Variants in N4BP2 observed in about 807,000 individuals in gnomAD.
The protein encoded by N4BP2 is NEDD4-binding protein 2.
Under a neutral mutation model 152.8 loss-of-function variants are expected in N4BP2, and 91 were observed. The observed-to-expected ratio is 0.60, with a 90% confidence interval of 0.50 to 0.71. N4BP2 has a LOEUF of 0.71. N4BP2 is among the 30% of genes least tolerant of loss of function. N4BP2 has a pLI of 0.00. For synonymous variants in N4BP2, 646 were observed against 705.3 expected (o/e 0.92, Z 1.33); for missense variants, 1,923 against 2,059.1 (o/e 0.93, Z 1.28).
chr4:40,124,938 T>A (rs1264115105), intron 11 of N4BP2, among the ~76,000 whole-genome samples: 1 of 152,242 alleles, frequency 6.6e-6, no homozygotes, highest in Non-Finnish European at 1.5e-5. Context: ...TGCTTTTTGG[T>A]ACATCCTGCC....
chr4:40,097,301 TAACTA>T lies in N4BP2; in HGVS notation c.-38_-34del, dbSNP rs1466591668. On this transcript the variant is annotated 5_prime_UTR_variant, in exon 3 of 18. The change abolishes the stop of an existing upstream ORF in the 5' untranslated region. Transcript: ENST00000261435. ...ATTATGACTTAAATGTCAAACATCTTAACTAAGAAAAGGGAAACATTTTAGTTTTG... is the reference window on the plus strand; with the variant it reads ...ATTATGACTTAAATGTCAAACATCTTAGAAAAGGGAAACATTTTAGTTTTG... 1 of 1,552,620 alleles carries T rather than the reference TAACTA, an allele frequency of 6.4e-7. No individual in the cohort carries two copies. The highest frequency in any genetic ancestry group is 8.9e-7 in the Non-Finnish European group (1 of 1,125,724).
Position 40,102,514 on chromosome 4 carries a change from G to A in N4BP2, c.669G>A (p.Glu223=). ...TACCTTCACATTCAGTTTTGAACGA[G>A]TCCAAGTGTTTTATAAAGGATAACA... The part of the protein sequence containing the change: ...NPLPSHSVLN[E]SKCFIKDNTL... Residue 223 remains glutamate, a synonymous_variant, in exon 4 of 18, where the codon GAG becomes GAA. Coordinates refer to ENST00000261435, the MANE Select transcript of N4BP2 (RefSeq NM_018177.6). 6.2e-7 allele frequency: 1 copy of A among 1,614,114 alleles called. No homozygotes were observed. The highest frequency in any genetic ancestry group is 1.6e-4 in the Middle Eastern group (1 of 6,062).
At chr4:40,095,785 T>TA (rs1715054959) in intron 2 of N4BP2, among the ~76,000 whole-genome samples, 1 of 152,212 alleles carries the variant, frequency 6.6e-6, no homozygotes, top group Non-Finnish European at 1.5e-5. Context: ...GCCGTGCAGA[T>TA]ATCTTGAGGA....
In N4BP2 at chr4:40,107,021, C is replaced by A; in HGVS notation, c.1495C>A (p.Arg499Ser). 1.2e-6 allele frequency: 2 copies of A among 1,612,780 alleles called. No homozygotes were observed. Among genetic ancestry groups the A allele is most frequent in the Non-Finnish European group, 1.7e-6 (2 of 1,179,456 alleles). ...AGAAGCACATGAATGGAACCAGAAT[C>A]GTGGTAAGAACAGATAATCAGATTC... is the stretch of plus-strand genomic sequence containing the variant. Reference protein sequence around the residue: ...LGEAHEWNQNRAKEAFEKKIS... With the variant: ...LGEAHEWNQNSAKEAFEKKIS... The change falls in exon 5 of 18, where the codon CGT becomes AGT. Residue 499 changes from arginine (R) to serine (S), a missense_variant. Coordinates refer to ENST00000261435, the MANE Select transcript of N4BP2 (RefSeq NM_018177.6).
In N4BP2 at chr4:40,121,039, TC is replaced by T; in HGVS notation, c.2929del (p.Thr978LeufsTer12). On this transcript the variant is annotated frameshift_variant, in exon 9 of 18. Transcript: ENST00000261435. LOFTEE classifies it high-confidence loss of function. ...GTCATGGGCAACACACATCGTTGCCTCTTACTTTTACCAATAGTGCACCAAC... is the reference window on the plus strand; with the variant it reads ...GTCATGGGCAACACACATCGTTGCCTTTACTTTTACCAATAGTGCACCAAC... The part of the protein sequence containing the change: ...KSHGQHTSLP[L>X]TFTNSAPTVS... 1 of 1,614,092 alleles carries T rather than the reference TC, an allele frequency of 6.2e-7. No homozygotes were observed. The highest frequency in any genetic ancestry group is 8.5e-7 in the Non-Finnish European group (1 of 1,180,004).
At chr4:40,083,555 C>G (rs898101924) in intron 2 of N4BP2, among the ~76,000 whole-genome samples, 8 of 152,042 alleles carry the variant, frequency 5.3e-5, no homozygotes, top group African/African-American at 1.9e-4. Flanking sequence ...GAAAACATGC[C>G]AAGCGAAAGG....
chr4:40,152,977 G>T (rs1197708831), intron 17 of N4BP2, 74 bp downstream of exon 17: 1 of 1,487,680 alleles, frequency 6.7e-7, no homozygotes. Flanking sequence ...TGTGAGTATA[G>T]ATTTCTGTTA....
At chr4:40,063,983 G>A (rs1031977138) in intron 1 of N4BP2, among the ~76,000 whole-genome samples, 1 of 150,092 alleles carries the variant, frequency 6.7e-6, no homozygotes, top group African/African-American at 2.5e-5. Flanking sequence ...TGGGGCGGCA[G>A]GGGGGGGTCT....
In N4BP2 at chr4:40,065,303, T is replaced by C. The variant is rs545962097; in HGVS notation, c.-211-8152T>C. Among the ~76,000 whole-genome samples the C allele has an allele frequency of 3.3e-5, 5 of 152,254 alleles. No homozygotes were observed. In the South Asian group the frequency reaches 1.0e-3, roughly 32 times the overall value. ...GAAATTTAAGCTGGACCTCTCAGGT[T>C]TGAAGTGCCCATGGAATATTCAAGT... On this transcript the variant is annotated intron_variant, in intron 1 of 17. Coordinates refer to ENST00000261435, the MANE Select transcript of N4BP2 (RefSeq NM_018177.6).
chr4:40,121,152 GCACC>G lies in N4BP2; in HGVS notation c.3044_3047del (p.Thr1015ArgfsTer13). On this transcript the variant is annotated frameshift_variant, in exon 9 of 18. Transcript: ENST00000261435. LOFTEE classifies it high-confidence loss of function. ...GACCCTGGAAAAGAAGTAGGCATGTGCACCCAGACTGAACCACAGGATTTTGCTC... is the reference window on the plus strand; with the variant it reads ...GACCCTGGAAAAGAAGTAGGCATGTGCAGACTGAACCACAGGATTTTGCTC... 1 of 1,614,124 alleles carries G rather than the reference GCACC, an allele frequency of 6.2e-7. No individual in the cohort carries two copies. Among genetic ancestry groups the G allele is most frequent in the Non-Finnish European group, 8.5e-7 (1 of 1,180,046 alleles).
chr4:40,180,241 GA>G, the N4BP2 span, among the ~76,000 whole-genome samples: 5 of 151,908 alleles, frequency 3.3e-5, no homozygotes, highest in African/African-American at 7.3e-5. Context: ...ATATTCAATA[GA>G]AAAAAATGGG....
the N4BP2 span, among the ~76,000 whole-genome samples, chr4:40,169,904 C>G: frequency 2.8e-5 from 4 of 145,402 alleles, no homozygotes; most frequent in East Asian, 6.1e-4. Context: ...GCAGAGGTTT[C>G]AGTGAACTGA....
intron 1 of N4BP2, among the ~76,000 whole-genome samples, chr4:40,058,770 T>G (rs531179386): frequency 3.5e-4 from 52 of 148,738 alleles, no homozygotes; most frequent in Middle Eastern, 3.5e-3. Context: ...TAGTTGCATG[T>G]TTTTTTTTTA....
the N4BP2 span, among the ~76,000 whole-genome samples, chr4:40,173,960 CTAATTA>C: frequency 6.6e-6 from 1 of 151,976 alleles, no homozygotes; most frequent in Non-Finnish European, 1.5e-5. Flanking sequence ...GGGCTTATTT[CTAATTA>C]TAAAAGTAAT....
chr4:40,125,420 T>C (rs974021625), intron 11 of N4BP2, among the ~76,000 whole-genome samples: 1 of 152,212 alleles, frequency 6.6e-6, no homozygotes, highest in Non-Finnish European at 1.5e-5. Context: ...GCCAAAGTAA[T>C]CGATCTTCTT....
At chr4:40,148,094 G>A (rs1466505043) in intron 16 of N4BP2, among the ~76,000 whole-genome samples, 1 of 152,252 alleles carries the variant, frequency 6.6e-6, no homozygotes. Context: ...GGAGGCCAGG[G>A]CAGGCGGCTG....
the N4BP2 span, among the ~76,000 whole-genome samples, chr4:40,171,806 G>A: frequency 6.6e-6 from 1 of 152,200 alleles, no homozygotes; most frequent in African/African-American, 2.4e-5. Context: ...TCTGTCTGTA[G>A]TCAAAGTTCC....
chr4:40,144,301 C>A (rs1045006606), intron 15 of N4BP2, among the ~76,000 whole-genome samples: 24 of 152,190 alleles, frequency 1.6e-4, no homozygotes, highest in Non-Finnish European at 2.1e-4. Flanking sequence ...CTTCACCAGC[C>A]ATCTAGGTAT....
At chr4:40,190,429 G>A in the N4BP2 span, among the ~76,000 whole-genome samples, 85,849 of 152,094 alleles carry the variant, frequency 0.56, 25,206 homozygotes, top group Middle Eastern at 0.68. Context: ...AATTTTCTGT[G>A]TCCTTTTAAC....
Sources: gnomAD v4.1 joint callset for allele counts (sites outside exome capture counted in the v4.1 genomes callset) on GRCh38, gnomAD v4.1.1 for gene constraint, MANE v1.5 for transcripts, NCBI Gene and HGNC (gene_info 2026-07-23, HGNC 2026-07-21) for gene names.